PYGO1: variants seen among roughly 807,000 people sequenced by gnomAD.
PYGO1 encodes the protein pygopus family PHD finger 1, also known as pygopus homolog 1.
In PYGO1, 6 loss-of-function variants were observed where a neutral mutation model predicts 29.5. That is an observed-to-expected ratio of 0.20 (90% CI 0.11 to 0.40). The LOEUF (loss-of-function observed/expected upper bound fraction) is 0.40. PYGO1 is among the 10% of genes least tolerant of loss of function. The pLI is 1.00. For synonymous variants in PYGO1, 186 were observed against 180.5 expected, an observed-to-expected ratio of 1.03 and a Z score of -0.24; for missense variants, 515 against 514.9, an observed-to-expected ratio of 1.00 and a Z score of 0.00.
rs1012960791 is a variant in PYGO1 at position 55,587,993 on chromosome 15, T to A, written c.-110A>T. The A allele has an allele frequency of 3.1e-5, 43 of 1,386,424 alleles. No homozygotes were observed. The highest frequency in any genetic ancestry group is 4.0e-5 in the Non-Finnish European group (42 of 1,062,972). 85.9% of individuals were successfully genotyped at this position (1,386,424 alleles called of 1,614,324 possible). A position where few individuals can be genotyped will look rare whatever the true frequency, so the allele number is the denominator to read the frequency against. The stretch of plus-strand genomic sequence containing the variant: ...GGCCGCTGCGGCTGCGAGGCAAGCC[T>A]CGGAGCCGAGGCACGGCCGAGGGCG... On this transcript the variant is annotated 5_prime_UTR_variant, in exon 1 of 3. Coordinates refer to ENST00000563719, the MANE Select transcript of PYGO1 (RefSeq NM_001367806.1).
intron 1 of PYGO1, among the ~76,000 whole-genome samples, chr15:55,576,092 A>C (rs28548302): frequency 0.075 from 11,483 of 152,200 alleles, 1,306 homozygotes; most frequent in African/African-American, 0.24. Flanking sequence ...TAGTTGATTT[A>C]CATTTCAAGT....
chr15:55,587,761 C>G (rs950387668), intron 1 of PYGO1, 74 bp downstream of exon 1: 754 of 1,438,826 alleles, frequency 5.2e-4, no homozygotes, highest in Non-Finnish European at 6.7e-4. Context: ...CCCATGGCCT[C>G]CCGGCGGCCG....
At chr15:55,551,161 G>A (rs1421237170) in intron 1 of PYGO1, among the ~76,000 whole-genome samples, 1 of 152,202 alleles carries the variant, frequency 6.6e-6, no homozygotes, top group East Asian at 1.9e-4. Context: ...ACTAGTACCA[G>A]TCCGTGGCCC....
chr15:55,553,952 G>T (rs895988812), intron 1 of PYGO1, among the ~76,000 whole-genome samples: 1 of 152,014 alleles, frequency 6.6e-6, no homozygotes, highest in Non-Finnish European at 1.5e-5. Flanking sequence ...TGGCCTGAAT[G>T]TTAAAAGAAA....
chr15:55,567,577 G>T (rs1246788894), intron 1 of PYGO1, among the ~76,000 whole-genome samples: 1 of 152,036 alleles, frequency 6.6e-6, no homozygotes, highest in Non-Finnish European at 1.5e-5. Context: ...TTACTCTGTT[G>T]TTTCTTTTGC....
At chr15:55,570,664 T>G (rs751364174) in intron 1 of PYGO1, among the ~76,000 whole-genome samples, 2 of 152,104 alleles carry the variant, frequency 1.3e-5, no homozygotes, top group African/African-American at 2.4e-5. Context: ...TAAAGAGAAT[T>G]TGCACATACC....
intron 1 of PYGO1, among the ~76,000 whole-genome samples, chr15:55,558,976 T>G (rs2141656989): frequency 6.6e-6 from 1 of 151,860 alleles, no homozygotes; most frequent in South Asian, 2.1e-4. Flanking sequence ...AAGCCAAAAT[T>G]GACAAATGGG....
rs2141644414 is a variant in PYGO1 at position 55,547,160 on chromosome 15, T to A, written c.136-13A>T. 1 of 1,565,376 alleles carries A rather than the reference T, an allele frequency of 6.4e-7. No individual in the cohort carries two copies. The highest frequency in any genetic ancestry group is 8.6e-7 in the Non-Finnish European group (1 of 1,157,826). On this transcript the variant is annotated splice_polypyrimidine_tract_variant and intron_variant, in intron 2 of 2. Transcript: ENST00000563719. ...GGAAAGAAGGTCCCTGAAATGAGAATGTAAAGTAAAATACATGTTTTCGAT... is the reference window on the plus strand; with the variant it reads ...GGAAAGAAGGTCCCTGAAATGAGAAAGTAAAGTAAAATACATGTTTTCGAT...
Position 55,539,756 on chromosome 15 carries a change from TATC to T in PYGO1, c.*6264_*6266del, listed in dbSNP as rs2058821361. On this transcript the variant is annotated 3_prime_UTR_variant, in exon 3 of 3. Transcript: ENST00000563719. Reference sequence around the variant, plus strand: ...ATCAGATTTATTGCTATATCAATCCTATCAATAGTCCACAATCAAAAGTACAAA... The same window carrying T: ...ATCAGATTTATTGCTATATCAATCCTAATAGTCCACAATCAAAAGTACAAA... The T allele has an allele frequency of 6.6e-6, 1 of 152,026 alleles. No homozygotes were observed. The highest frequency in any genetic ancestry group is 6.6e-5 in the Admixed American group (1 of 15,266). The allele number at this position is 152,026 out of a possible 1,614,324, so 9.4% of individuals were successfully genotyped here.
chr15:55,579,235 T>G (rs760108989), intron 1 of PYGO1, among the ~76,000 whole-genome samples: 2 of 152,208 alleles, frequency 1.3e-5, no homozygotes, highest in African/African-American at 2.4e-5. Flanking sequence ...ACCCACATAT[T>G]GAACAGAGAA....
rs929176410 is a variant in PYGO1, at chr15:55,540,073, T to C, written c.*5950A>G. 2.0e-5 allele frequency: 3 copies of C among 152,120 alleles called. No individual in the cohort carries two copies. Among genetic ancestry groups the C allele is most frequent in the Admixed American group, 2.0e-4 (3 of 15,280 alleles). 9.4% of individuals were successfully genotyped at this position (152,120 alleles called of 1,614,324 possible). A position where few individuals can be genotyped will look rare whatever the true frequency, so the allele number is the denominator to read the frequency against. On this transcript the variant is annotated 3_prime_UTR_variant, in exon 3 of 3. Transcript: ENST00000563719. ...CTTAATGACAAAATAAGAATGCTTT[T>C]AAATTACTATTCTTAAGTAAACACC...
intron 1 of PYGO1, among the ~76,000 whole-genome samples, chr15:55,573,622 T>C (rs1465837622): frequency 6.6e-6 from 1 of 152,168 alleles, no homozygotes; most frequent in Admixed American, 6.5e-5. Context: ...TAGTTGATCC[T>C]TGAACTATAT....
Position 55,547,012 on chromosome 15 carries a change from G to C in PYGO1, c.271C>G (p.Leu91Val), listed in dbSNP as rs770278178. 6 of 1,613,920 alleles carry C rather than the reference G, an allele frequency of 3.7e-6. No individual in the cohort carries two copies. The Admixed American group carries it at 1.0e-4, about 27-fold the overall frequency. The change falls in exon 3 of 3, where the codon CTT (leucine) becomes GTT (valine). Residue 91 changes from leucine to valine, a missense_variant. By Grantham distance (32) the Leu-to-Val change is conservative (BLOSUM62 1). Transcript: ENST00000563719. ...CCAAAGCCAGGATAACCAGGGCCAA[G>C]ATATGGATTTGACGAAGGTAGTGGT... is the stretch of plus-strand genomic sequence containing the variant. ...YKPLPSSNPY[L>V]GPGYPGFGGY...
At chr15:55,575,655 T>G (rs915445199) in intron 1 of PYGO1, among the ~76,000 whole-genome samples, 1 of 152,314 alleles carries the variant, frequency 6.6e-6, no homozygotes, top group Admixed American at 6.5e-5. Flanking sequence ...CCTGGCCTGA[T>G]GTCTACTATC....
At position 55,588,247 on chromosome 15, in the gene PYGO1, C is replaced by T. The variant is rs2059058835; in HGVS notation, c.-364G>A. 6.7e-6 allele frequency among the ~76,000 whole-genome samples: 1 copy of T among 149,204 alleles called. No individual in the cohort carries two copies. Among genetic ancestry groups the T allele is most frequent in the Non-Finnish European group, 1.5e-5 (1 of 67,052 alleles). ...TCGCCGCCGCCTCAGGAGCCGCTGA[C>T]AGGGGAAGCAGGAGGCTCGCGGCCC... On this transcript the variant is annotated 5_prime_UTR_variant, in exon 1 of 3. Transcript: ENST00000563719.
chr15:55,552,000 T>C (rs756382008), intron 1 of PYGO1, among the ~76,000 whole-genome samples: 1 of 152,076 alleles, frequency 6.6e-6, no homozygotes, highest in Non-Finnish European at 1.5e-5. Context: ...ATCATTTCAA[T>C]AGATGCATAA....
At chr15:55,579,071 TTGACAG>T (rs1177006178) in intron 1 of PYGO1, among the ~76,000 whole-genome samples, 4 of 152,334 alleles carry the variant, frequency 2.6e-5, no homozygotes, top group Non-Finnish European at 5.9e-5. Context: ...AAATAAAGAA[TTGACAG>T]TAAGAGCCAG....
chr15:55,551,174 G>C (rs918169644), intron 1 of PYGO1, among the ~76,000 whole-genome samples: 2 of 152,138 alleles, frequency 1.3e-5, no homozygotes, highest in African/African-American at 4.8e-5. Flanking sequence ...CGTGGCCCAG[G>C]GGTTGGGGAT....
chr15:55,540,907 A>C lies in PYGO1; in HGVS notation c.*5116T>G, dbSNP rs1214864752. 3 of 152,228 alleles carry C rather than the reference A, an allele frequency of 2.0e-5. No individual in the cohort carries two copies. The highest frequency in any genetic ancestry group is 4.4e-5 in the Non-Finnish European group (3 of 68,032). The allele number at this position is 152,228 out of a possible 1,614,324, so 9.4% of individuals were successfully genotyped here. A position where few individuals can be genotyped will look rare whatever the true frequency, so the allele number is the denominator to read the frequency against. On this transcript the variant is annotated 3_prime_UTR_variant, in exon 3 of 3. Coordinates refer to ENST00000563719, the MANE Select transcript of PYGO1 (RefSeq NM_001367806.1). ...AGTACATAAGGAAGAAATAGTTTTAATATGAAACAATCATTTAAGTCACAT... is the reference window on the plus strand; with the variant it reads ...AGTACATAAGGAAGAAATAGTTTTACTATGAAACAATCATTTAAGTCACAT...
Sources: gnomAD v4.1 joint callset for allele counts (sites outside exome capture counted in the v4.1 genomes callset) on GRCh38, gnomAD v4.1.1 for gene constraint, MANE v1.5 for transcripts, NCBI Gene and HGNC (gene_info 2026-07-23, HGNC 2026-07-21) for gene names.